Variants in CCDC83 observed in about 807,000 individuals in gnomAD.
CCDC83 encodes the protein coiled-coil domain-containing protein 83.
In CCDC83, 54 loss-of-function variants were observed where a neutral mutation model predicts 50.1. The ratio of observed to expected loss-of-function variants is 1.08; its 90% CI spans 0.87 to 1.35. The LOEUF is 1.35. Among genes scored for constraint, CCDC83 ranks in the 40% most tolerant of loss-of-function variants. CCDC83 has a pLI of 0.00. For missense variants in CCDC83, 518 were observed against 473.9 expected, an observed-to-expected ratio of 1.09 and a Z score of -0.86; for synonymous variants, 161 against 153.3, an observed-to-expected ratio of 1.05 and a Z score of -0.37.
intron 2 of CCDC83, among the ~76,000 whole-genome samples, chr11:85,870,314 T>C (rs1362326816): frequency 6.6e-6 from 1 of 152,198 alleles, no homozygotes; most frequent in Non-Finnish European, 1.5e-5. Context: ...AGCCCATCTG[T>C]AGACTCAGTT....
chr11:85,890,634 C>A (rs1592165671), intron 5 of CCDC83, among the ~76,000 whole-genome samples: 1 of 152,142 alleles, frequency 6.6e-6, no homozygotes, highest in Admixed American at 6.5e-5. Flanking sequence ...CCAGCTAGGT[C>A]CAGAAAGTAG....
intron 9 of CCDC83, 28 bp from the exon 10 acceptor site, chr11:85,916,000 A>C: frequency 7.0e-7 from 1 of 1,438,346 alleles, no homozygotes; most frequent in African/African-American, 1.4e-5. Context: ...AAATGTATAC[A>C]TAATTAATTC....
chr11:85,873,610 C>T (rs1445506), intron 3 of CCDC83, among the ~76,000 whole-genome samples: 87,794 of 151,980 alleles, frequency 0.58, 25,697 homozygotes, highest in African/African-American at 0.62. Context: ...TTAACCAAAC[C>T]ATAAAACATT....
intron 2 of CCDC83, 151 bp downstream of exon 2, chr11:85,865,369 A>G: frequency 3.3e-6 from 2 of 599,522 alleles, no homozygotes; most frequent in Non-Finnish European, 2.9e-6. Context: ...TGTGCTATGC[A>G]CATATTTTTA....
chr11:85,908,740 C>T (rs926412634), intron 7 of CCDC83, among the ~76,000 whole-genome samples: 1 of 132,006 alleles, frequency 7.6e-6, no homozygotes. Context: ...CCCGACTCTA[C>T]AAAAAAAATA....
At chr11:85,909,592 A>G (rs1024048214) in intron 7 of CCDC83, among the ~76,000 whole-genome samples, 1 of 148,148 alleles carries the variant, frequency 6.8e-6, no homozygotes, top group South Asian at 2.1e-4. Flanking sequence ...TCTTTGGACA[A>G]AAGTCATCAA....
intron 1 of CCDC83, among the ~76,000 whole-genome samples, chr11:85,863,343 T>C (rs1177182513): frequency 6.6e-6 from 1 of 152,224 alleles, no homozygotes; most frequent in Non-Finnish European, 1.5e-5. Context: ...TCTTAGCTGA[T>C]AATTTTCTGT....
At chr11:85,879,806 A>G (rs562642410) in intron 3 of CCDC83, among the ~76,000 whole-genome samples, 12 of 152,190 alleles carry the variant, frequency 7.9e-5, no homozygotes, top group Non-Finnish European at 1.5e-4. Flanking sequence ...TTTAATAGAG[A>G]TGTGGTTTCA....
chr11:85,916,894 T>G (rs1277346909), intron 10 of CCDC83, among the ~76,000 whole-genome samples: 2 of 152,000 alleles, frequency 1.3e-5, no homozygotes, highest in Non-Finnish European at 2.9e-5. Flanking sequence ...GCGGATCACC[T>G]GAGATCGGAA....
chr11:85,898,225 T>C (rs1361776590), intron 6 of CCDC83, among the ~76,000 whole-genome samples: 2 of 152,098 alleles, frequency 1.3e-5, no homozygotes, highest in Non-Finnish European at 2.9e-5. Flanking sequence ...TCTGTCCCTG[T>C]TTGTGATCTA....
intron 8 of CCDC83, chr11:85,912,561 T>G: frequency 2.6e-6 from 2 of 774,910 alleles, no homozygotes; most frequent in Non-Finnish European, 4.7e-6. Context: ...TCTCTTGAGC[T>G]GATGCCCTAG....
intron 5 of CCDC83, among the ~76,000 whole-genome samples, chr11:85,887,535 ATTTGTCAAAAGG>A (rs2093332802): frequency 1.3e-5 from 2 of 152,056 alleles, no homozygotes; most frequent in Admixed American, 1.3e-4. Context: ...TGAAGTTCCA[ATTTGTCAAAAGG>A]TTCTTCTTCT....
intron 8 of CCDC83, chr11:85,912,497 T>C (rs973970269): frequency 2.4e-5 from 16 of 653,382 alleles, no homozygotes; most frequent in Non-Finnish European, 3.9e-5. Context: ...TAGATACCAA[T>C]ATAGATGAGG....
chr11:85,891,151 T>A (rs1411028582), intron 5 of CCDC83, among the ~76,000 whole-genome samples: 1 of 152,180 alleles, frequency 6.6e-6, no homozygotes, highest in Non-Finnish European at 1.5e-5. Flanking sequence ...CCTTCTCTTC[T>A]ACTTCCCACA....
At chr11:85,899,645 C>A (rs993982121) in intron 7 of CCDC83, among the ~76,000 whole-genome samples, 1 of 152,164 alleles carries the variant, frequency 6.6e-6, no homozygotes, top group African/African-American at 2.4e-5. Flanking sequence ...GTAATTCTTG[C>A]TGAAAGATGT....
At chr11:85,888,245 T>C (rs937259604) in intron 5 of CCDC83, among the ~76,000 whole-genome samples, 5 of 152,248 alleles carry the variant, frequency 3.3e-5, no homozygotes, top group South Asian at 2.1e-4. Flanking sequence ...TTGTACCAAG[T>C]GGTACTTCTA....
At chr11:85,877,894 G>C (rs1460566907) in intron 3 of CCDC83, among the ~76,000 whole-genome samples, 1 of 152,132 alleles carries the variant, frequency 6.6e-6, no homozygotes, top group Non-Finnish European at 1.5e-5. Context: ...CAGAGCAATA[G>C]TTTGGCAAGT....
chr11:85,907,369 A>G (rs921759048), intron 7 of CCDC83, among the ~76,000 whole-genome samples: 1 of 152,210 alleles, frequency 6.6e-6, no homozygotes, highest in Non-Finnish European at 1.5e-5. Flanking sequence ...GGAATTTCCA[A>G]ATGATTGAGA....
At chr11:85,889,898 C>T (rs182206367) in intron 5 of CCDC83, among the ~76,000 whole-genome samples, 15 of 152,310 alleles carry the variant, frequency 9.8e-5, no homozygotes, top group African/African-American at 3.6e-4. Flanking sequence ...GATACCACCA[C>T]ATAGATTTGC....
Sources: allele counts gnomAD v4.1 joint callset (sites outside exome capture counted in the v4.1 genomes callset), GRCh38; gene constraint gnomAD v4.1.1; transcripts MANE v1.5; gene names NCBI Gene and HGNC (gene_info 2026-07-23, HGNC 2026-07-21).